The following FRYL variants were observed in gnomAD, a reference collection of about 807,000 sequenced individuals.
FRYL encodes protein furry homolog-like.
A neutral mutation model predicts 351.2 loss-of-function variants in FRYL; 150 were observed. That is an observed-to-expected ratio of 0.43 (90% CI 0.37 to 0.49). FRYL has a LOEUF of 0.49. Among genes scored for constraint, FRYL ranks in the 20% least tolerant of loss-of-function variants. The probability of loss-of-function intolerance (pLI) is 0.00; values close to 1 mark genes in which losing one functional copy is unlikely to be tolerated. For synonymous variants in FRYL, 1,153 were observed against 1,257.1 expected, an observed-to-expected ratio of 0.92 and a Z score of 1.75; for missense variants, 3,036 against 3,619.3, an observed-to-expected ratio of 0.84 and a Z score of 4.13.
At chr4:48,656,342 TA>T (rs552375914) in intron 3 of FRYL, among the ~76,000 whole-genome samples, 3 of 134,774 alleles carry the variant, frequency 2.2e-5, no homozygotes, top group African/African-American at 8.2e-5. Flanking sequence ...ATATATTATA[TA>T]ATATATACTA....
chr4:48,740,179 A>C (rs1771887272), intron 1 of FRYL, among the ~76,000 whole-genome samples: 1 of 149,774 alleles, frequency 6.7e-6, no homozygotes, highest in African/African-American at 2.4e-5. Context: ...CAAGAGACTG[A>C]AAAGAAAAGT....
intron 3 of FRYL, among the ~76,000 whole-genome samples, chr4:48,656,094 TG>T (rs1259584016): frequency 1.7e-5 from 2 of 120,212 alleles, no homozygotes; most frequent in African/African-American, 2.8e-5. Flanking sequence ...TTTTATATAA[TG>T]TATATATTGT....
chr4:48,544,940 T>C (rs376970229), intron 42 of FRYL, 36 bp from the exon 43 acceptor site: 103 of 1,571,980 alleles, frequency 6.6e-5, no homozygotes, highest in Non-Finnish European at 8.8e-5. Context: ...TCCTTGGATT[T>C]TCACTTGTGA....
chr4:48,698,333 A>T (rs189839593), intron 2 of FRYL, among the ~76,000 whole-genome samples: 2 of 152,348 alleles, frequency 1.3e-5, no homozygotes, highest in East Asian at 3.9e-4. Context: ...GATGACTTTT[A>T]AAAAGCTACA....
chr4:48,649,194 T>C (rs1578518537), intron 3 of FRYL, among the ~76,000 whole-genome samples: 1 of 152,300 alleles, frequency 6.6e-6, no homozygotes, highest in Non-Finnish European at 1.5e-5. Flanking sequence ...GAAATTTAGA[T>C]GAATGTATAA....
At chr4:48,607,614 C>T (rs1747132953) in intron 9 of FRYL, among the ~76,000 whole-genome samples, 2 of 152,156 alleles carry the variant, frequency 1.3e-5, no homozygotes, top group South Asian at 4.1e-4. Context: ...CAGCCTTTAT[C>T]TCCTTCTCTT....
chr4:48,540,152 C>T, intron 46 of FRYL, 84 bp from the exon 47 acceptor site: 3 of 1,216,610 alleles, frequency 2.5e-6, no homozygotes, highest in Non-Finnish European at 3.4e-6. Flanking sequence ...AGATGGTTCA[C>T]AGAAACCATT....
intron 2 of FRYL, among the ~76,000 whole-genome samples, chr4:48,703,396 G>A (rs1040779932): frequency 2.0e-5 from 3 of 152,058 alleles, no homozygotes; most frequent in Non-Finnish European, 4.4e-5. Flanking sequence ...TGACTTCTAC[G>A]TGACCCCCTC....
At chr4:48,569,345 C>T (rs1024403472) in intron 27 of FRYL, among the ~76,000 whole-genome samples, 16 of 152,216 alleles carry the variant, frequency 1.1e-4, no homozygotes, top group Admixed American at 9.2e-4. Flanking sequence ...TCACTCTTCT[C>T]ACCCAGGCTG....
intron 54 of FRYL, among the ~76,000 whole-genome samples, chr4:48,521,647 AATAACC>A (rs1430915370): frequency 6.6e-6 from 1 of 152,340 alleles, no homozygotes; most frequent in Non-Finnish European, 1.5e-5. Context: ...GCAGATCTGC[AATAACC>A]ATACTTGCCT....
chr4:48,636,593 G>A (rs941897962), intron 3 of FRYL, among the ~76,000 whole-genome samples: 4 of 151,646 alleles, frequency 2.6e-5, no homozygotes, highest in Admixed American at 2.6e-4. Context: ...TAAAAATAAA[G>A]CATAACCAAA....
chr4:48,765,154 T>A (rs1250958112), intron 1 of FRYL, among the ~76,000 whole-genome samples: 1 of 152,126 alleles, frequency 6.6e-6, no homozygotes, highest in Non-Finnish European at 1.5e-5. Flanking sequence ...GGAAAAAGAT[T>A]TCTAAAATTC....
At chr4:48,532,230 TA>T (rs34334926) in intron 49 of FRYL, among the ~76,000 whole-genome samples, 77,313 of 151,958 alleles carry the variant, frequency 0.51, 20,053 homozygotes, top group South Asian at 0.61. Context: ...AAAAAGGAAG[TA>T]AAAAATCTTT....
At chr4:48,516,152 C>T (rs1163028668) in intron 55 of FRYL, among the ~76,000 whole-genome samples, 1 of 152,126 alleles carries the variant, frequency 6.6e-6, no homozygotes, top group African/African-American at 2.4e-5. Flanking sequence ...CATTAGGACA[C>T]TTTAGATAAT....
chr4:48,706,854 G>C (rs1767413484), intron 2 of FRYL, among the ~76,000 whole-genome samples: 1 of 152,172 alleles, frequency 6.6e-6, no homozygotes, highest in South Asian at 2.1e-4. Context: ...GAAAGAACCT[G>C]AGACCTGTTA....
Position 48,605,822 on chromosome 4 carries a change from C to T in FRYL, c.753G>A (p.Gln251=), listed in dbSNP as rs1163207644. 2 of 1,587,700 alleles carry T rather than the reference C, an allele frequency of 1.3e-6. No individual in the cohort carries two copies. The highest frequency in any genetic ancestry group is 1.7e-5 in the Admixed American group (1 of 59,218). ...ASFQFMQECA[Q]YFLEVKDKDI... is the part of the protein sequence containing the mutation. ...CTTTATCTTTCACTTCTAAGAAATACTGAGCACATTCCTTAAAGGGAAAGA... is the reference window on the plus strand; with the variant it reads ...CTTTATCTTTCACTTCTAAGAAATATTGAGCACATTCCTTAAAGGGAAAGA... Residue 251 remains glutamine (Q), a synonymous_variant, in exon 11 of 64, where the codon CAG becomes CAA. Transcript: ENST00000358350.
Position 48,589,770 on chromosome 4 carries a change from T to C in FRYL, c.1615A>G (p.Asn539Asp). ...PMCMTSVQMS[N>D]KEPEDMITGE... ...GTAATCATGTCTTCAGGCTCCTTAT[T>C]AGACATCTGCACACTGGTCATACAC... is the stretch of plus-strand genomic sequence containing the variant. Residue 539 changes from asparagine (N) to aspartate (D), a missense_variant, in exon 18 of 64, where the codon AAT becomes GAT. Asn to Asp is a conservative substitution (Grantham distance 23). This residue lies in a region of FRYL where 78 missense variants were observed against 106.6 expected (regional missense o/e 0.73). Coordinates refer to ENST00000358350, the MANE Select transcript of FRYL (RefSeq NM_015030.2). 1 of 1,613,828 alleles carries C rather than the reference T, an allele frequency of 6.2e-7. No homozygotes were observed. Among genetic ancestry groups the C allele is most frequent in the Non-Finnish European group, 8.5e-7 (1 of 1,179,860 alleles).
intron 4 of FRYL, among the ~76,000 whole-genome samples, chr4:48,623,838 T>C (rs1359135007): frequency 6.6e-6 from 1 of 152,168 alleles, no homozygotes; most frequent in Non-Finnish European, 1.5e-5. Flanking sequence ...TTGGGTATAA[T>C]ATATTGTATA....
intron 33 of FRYL, among the ~76,000 whole-genome samples, chr4:48,559,228 T>C (rs1734829547): frequency 6.6e-6 from 1 of 152,092 alleles, no homozygotes; most frequent in Non-Finnish European, 1.5e-5. Flanking sequence ...TCAATTTTAT[T>C]ACCTCTGGTA....
Sources: gnomAD v4.1 joint callset for allele counts (sites outside exome capture counted in the v4.1 genomes callset) on GRCh38, gnomAD v4.1.1 for gene constraint, gnomAD v4.1.1 regional missense constraint, MANE v1.5 for transcripts, NCBI Gene and HGNC (gene_info 2026-07-23, HGNC 2026-07-21) for gene names.